Variants in SLC25A28 observed in about 807,000 individuals in gnomAD.
SLC25A28 encodes the protein solute carrier family 25 member 28.
SLC25A28 carries 10 observed loss-of-function variants against 31.9 expected under a neutral mutation model. The ratio of observed to expected loss-of-function variants is 0.31; its 90% CI spans 0.19 to 0.53. SLC25A28 has a LOEUF of 0.53. SLC25A28 is among the 20% of genes least tolerant of loss of function. The pLI is 0.95. For missense variants in SLC25A28, 256 were observed against 490.3 expected (o/e 0.52, Z 4.51); for synonymous variants, 208 against 203.6 (o/e 1.02, Z -0.19).
rs531260252 is a variant in SLC25A28 at position 99,610,983 on chromosome 10, C to G, written c.961G>C (p.Val321Leu). 1 of 1,614,222 alleles carries G rather than the reference C, an allele frequency of 6.2e-7. No homozygotes were observed. The highest frequency in any genetic ancestry group is 1.7e-5 in the Admixed American group (1 of 60,026). Residue 321 changes from valine (V) to leucine (L), a missense_variant, in exon 4 of 4, where the codon GTG becomes CTG. Physicochemically the swap from Val to Leu is conservative, Grantham distance 32. This residue lies in a region of SLC25A28 where 158 missense variants were observed against 379.1 expected (regional missense o/e 0.42). Transcript: ENST00000370495. ...TGCACCCCTCGGAAATAGGCGGTCA[C>G]CCCACCTACTTGATATACCGTCCTG... Reference protein sequence around the residue: ...AFRTVYQVGGVTAYFRGVQAR... With the variant: ...AFRTVYQVGGLTAYFRGVQAR...
the SLC25A28 span, among the ~76,000 whole-genome samples, chr10:99,646,048 C>A: frequency 6.6e-6 from 1 of 152,214 alleles, no homozygotes; most frequent in Non-Finnish European, 1.5e-5. Flanking sequence ...ATTCTCAGAT[C>A]TCAAACTCCA....
At chr10:99,658,520 AG>A in the SLC25A28 span, among the ~76,000 whole-genome samples, 1,048 of 152,318 alleles carry the variant, frequency 6.9e-3, 7 homozygotes, top group Non-Finnish European at 8.1e-3. Context: ...TGTATAAAAA[AG>A]GTGTAGTAGG....
intron 1 of SLC25A28, chr10:99,618,242 G>C (rs1170557584): frequency 1.0e-6 from 1 of 964,604 alleles, no homozygotes; most frequent in African/African-American, 1.8e-5. Context: ...TAAATATATG[G>C]AGTAAGGAGA....
chr10:99,621,054 G>T (rs2034783143), upstream of SLC25A28: 1 of 882,010 alleles, frequency 1.1e-6, no homozygotes, highest in Non-Finnish European at 1.4e-6. Flanking sequence ...CGTGAGGCGG[G>T]GCCGGCCTGG....
the SLC25A28 span, among the ~76,000 whole-genome samples, chr10:99,638,200 G>T: frequency 6.6e-6 from 1 of 152,156 alleles, no homozygotes; most frequent in Admixed American, 6.6e-5. Context: ...TGGGGGAAAT[G>T]ATACCCTTTT....
chr10:99,623,717 C>G (rs79524390), upstream of SLC25A28, among the ~76,000 whole-genome samples: 2 of 152,164 alleles, frequency 1.3e-5, no homozygotes, highest in African/African-American at 2.4e-5. Flanking sequence ...GAGGGAAGCA[C>G]AAGAGTCACA....
intron 2 of SLC25A28, 47 bp from the exon 3 acceptor site, chr10:99,612,646 C>A (rs540981030): frequency 1.1e-4 from 173 of 1,611,508 alleles, no homozygotes; most frequent in Non-Finnish European, 1.4e-4. Flanking sequence ...AGAGAGCTGA[C>A]CAACTCATTG....
the SLC25A28 span, among the ~76,000 whole-genome samples, chr10:99,643,323 A>G: frequency 6.6e-6 from 1 of 152,084 alleles, no homozygotes; most frequent in Non-Finnish European, 1.5e-5. Context: ...GAATTTATCC[A>G]TTTCTTCTAG....
At chr10:99,622,251 G>A (rs955581807), upstream of SLC25A28, among the ~76,000 whole-genome samples, 2 of 152,152 alleles carry the variant, frequency 1.3e-5, no homozygotes, top group Non-Finnish European at 2.9e-5. Flanking sequence ...GATTGCTTGC[G>A]CCAGGGAGGT....
the SLC25A28 span, chr10:99,653,977 T>G: frequency 6.6e-6 from 1 of 152,182 alleles, no homozygotes; most frequent in African/African-American, 2.4e-5. Flanking sequence ...ACTTGGGGGC[T>G]TATGGAGGAG....
chr10:99,641,618 T>C, the SLC25A28 span, among the ~76,000 whole-genome samples: 6 of 152,214 alleles, frequency 3.9e-5, no homozygotes. Context: ...TTACTTTTGG[T>C]GTTTTAGTCA....
upstream of SLC25A28, chr10:99,620,863 G>A: frequency 1.0e-6 from 1 of 985,490 alleles, no homozygotes; most frequent in Non-Finnish European, 1.2e-6. Flanking sequence ...CTGCAGAGCT[G>A]CGGTCCCTGT....
chr10:99,623,533 C>T (rs2052316), upstream of SLC25A28, among the ~76,000 whole-genome samples: 130,099 of 152,206 alleles, frequency 0.85, 55,705 homozygotes, highest in Middle Eastern at 0.92. Flanking sequence ...TATACTTTCC[C>T]TGAATCTGAT....
the SLC25A28 span, among the ~76,000 whole-genome samples, chr10:99,632,763 A>G: frequency 6.6e-6 from 1 of 152,174 alleles, no homozygotes; most frequent in African/African-American, 2.4e-5. Context: ...TTGCTAAACT[A>G]CAGCACCAAA....
At chr10:99,653,215 ATACAAAGGATAAAGTTTCTACCTGGC>A in the SLC25A28 span, among the ~76,000 whole-genome samples, 1 of 152,326 alleles carries the variant, frequency 6.6e-6, no homozygotes, top group South Asian at 2.1e-4. Flanking sequence ...AGGCTAGGTC[ATACAAAGGATAAAGTTTCTACCTGGC>A]TCGTTCTCTT....
the SLC25A28 span, among the ~76,000 whole-genome samples, chr10:99,634,444 A>G: frequency 3.9e-5 from 6 of 152,232 alleles, no homozygotes; most frequent in African/African-American, 1.4e-4. Flanking sequence ...TAGCATAAAA[A>G]AAAGCAATAG....
rs368020842 is a variant in SLC25A28, at chr10:99,613,883, A to G, written c.333T>C (p.Tyr111=). The G allele has an allele frequency of 2.5e-6, 4 of 1,613,462 alleles. No individual in the cohort carries two copies. The highest frequency in any genetic ancestry group is 2.5e-6 in the Non-Finnish European group (3 of 1,179,614). ...QSLQPDPAAR[Y]RNVLEALWRI... ...TCCAGAGGGCCTCCAACACATTGCGATAGCGGGCAGCTGGGTCAGGCTGTA... is the reference window on the plus strand; with the variant it reads ...TCCAGAGGGCCTCCAACACATTGCGGTAGCGGGCAGCTGGGTCAGGCTGTA... Residue 111 remains tyrosine (Y), a synonymous_variant, in exon 2 of 4, where the codon TAT becomes TAC. Coordinates refer to ENST00000370495, the MANE Select transcript of SLC25A28 (RefSeq NM_031212.4). This position sits in a 1 kb window ranked among gnomAD's most constrained non-coding sequence, Gnocchi z 4.9.
At chr10:99,628,698 A>G in the SLC25A28 span, among the ~76,000 whole-genome samples, 130,078 of 152,186 alleles carry the variant, frequency 0.85, 55,692 homozygotes, top group Middle Eastern at 0.92. Context: ...GCACATGCCT[A>G]TAATCCCAGC....
the SLC25A28 span, among the ~76,000 whole-genome samples, chr10:99,629,136 T>A: frequency 6.6e-6 from 1 of 152,184 alleles, no homozygotes; most frequent in South Asian, 2.1e-4. Context: ...TGGGAATAGA[T>A]CCCTCATGAA....
Sources: allele counts gnomAD v4.1 joint callset (sites outside exome capture counted in the v4.1 genomes callset), GRCh38; gene constraint gnomAD v4.1.1; regional missense constraint gnomAD v4.1.1; non-coding constraint Gnocchi (gnomAD v3.1); transcripts MANE v1.5; gene names NCBI Gene and HGNC (gene_info 2026-07-23, HGNC 2026-07-21).